Variants in CFAP251 observed in about 807,000 individuals in gnomAD.
The protein encoded by CFAP251 is cilia and flagella associated protein 251, also known as cilia- and flagella-associated protein 251.
A neutral mutation model predicts 126.7 loss-of-function variants in CFAP251; 93 were observed. The ratio of observed to expected loss-of-function variants is 0.73; its 90% CI spans 0.62 to 0.87. The LOEUF (loss-of-function observed/expected upper bound fraction) is 0.87. Among genes scored for constraint, CFAP251 ranks in the 40% least tolerant of loss-of-function variants. The pLI is 0.00. For missense variants in CFAP251, 1,287 were observed against 1,389.2 expected, an observed-to-expected ratio of 0.93 and a Z score of 1.17; for synonymous variants, 503 against 506.9, an observed-to-expected ratio of 0.99 and a Z score of 0.10.
intron 3 of CFAP251, among the ~76,000 whole-genome samples, chr12:121,928,686 A>ACG (rs1880548509): frequency 3.0e-5 from 1 of 33,716 alleles, no homozygotes; most frequent in Non-Finnish European, 8.8e-5. Context: ...ATATATATAT[A>ACG]TACGTATATA....
intron 7 of CFAP251, among the ~76,000 whole-genome samples, chr12:121,943,599 T>C (rs1881212143): frequency 6.6e-6 from 1 of 151,940 alleles, no homozygotes. Context: ...ATTTTGTATT[T>C]TTTTTAGTAG....
intron 19 of CFAP251, among the ~76,000 whole-genome samples, chr12:121,976,358 C>T (rs767027946): frequency 3.3e-5 from 5 of 152,060 alleles, no homozygotes; most frequent in Non-Finnish European, 7.4e-5. Flanking sequence ...GCCCTGGGCA[C>T]GGTGCTGGGT....
chr12:121,973,631 C>T (rs1320580912), intron 17 of CFAP251, among the ~76,000 whole-genome samples: 1 of 152,216 alleles, frequency 6.6e-6, no homozygotes, highest in African/African-American at 2.4e-5. Flanking sequence ...CATGGGAACC[C>T]ACCTCTTGCA....
At chr12:121,980,908 C>G (rs1308361554) in intron 19 of CFAP251, among the ~76,000 whole-genome samples, 1 of 152,208 alleles carries the variant, frequency 6.6e-6, no homozygotes, top group African/African-American at 2.4e-5. Flanking sequence ...CGAGCCATCC[C>G]AGCGGTGGTC....
intron 5 of CFAP251, among the ~76,000 whole-genome samples, chr12:121,940,523 A>G (rs1391439524): frequency 1.3e-5 from 2 of 151,934 alleles, no homozygotes; most frequent in Non-Finnish European, 2.9e-5. Flanking sequence ...TGTATCTAGG[A>G]CTCCATAAAC....
intron 17 of CFAP251, chr12:121,971,590 C>T: frequency 1.4e-6 from 1 of 702,940 alleles, no homozygotes; most frequent in African/African-American, 1.7e-5. Flanking sequence ...ATATTATCCC[C>T]ATCAGACACA....
Position 121,974,486 on chromosome 12 carries a change from G to A in CFAP251, c.2772-758G>A, listed in dbSNP as rs1882409886. Among the ~76,000 whole-genome samples the A allele has an allele frequency of 6.6e-6, 1 of 152,180 alleles. No homozygotes were observed. The highest frequency in any genetic ancestry group is 2.4e-5 in the African/African-American group (1 of 41,422). On this transcript the variant is annotated intron_variant, in intron 17 of 21. Coordinates refer to ENST00000288912, the MANE Select transcript of CFAP251 (RefSeq NM_144668.6). This position sits in a 1 kb window ranked among gnomAD's most constrained non-coding sequence, Gnocchi z 4.6. Reference sequence around the variant, plus strand: ...CCCAGAATCACACAGCTTGCCAGGGGTAGAGCCGGGACTTGCACACATGTC... The same window carrying A: ...CCCAGAATCACACAGCTTGCCAGGGATAGAGCCGGGACTTGCACACATGTC...
chr12:121,926,804 G>A (rs763569372), intron 3 of CFAP251, among the ~76,000 whole-genome samples: 2 of 152,102 alleles, frequency 1.3e-5, no homozygotes, highest in Admixed American at 1.3e-4. Flanking sequence ...TCAGCCGGGC[G>A]TGGTGGTGCA....
Position 121,962,095 on chromosome 12 carries a change from C to T in CFAP251, c.2425C>T (p.Leu809Phe), listed in dbSNP as rs371514829. ...CTGGTACCCACCACTCACCAGGGAACTCTTCCTGCTTATTTGCAACAGTGG... is the reference window on the plus strand; with the variant it reads ...CTGGTACCCACCACTCACCAGGGAATTCTTCCTGCTTATTTGCAACAGTGG... ...MVWYPPLTRE[L>F]FLLICNSGYK... Residue 809 changes from leucine (L) to phenylalanine (F), a missense_variant, in exon 15 of 22, where the codon CTC (leucine) becomes TTC (phenylalanine). Leu to Phe is a conservative substitution (Grantham distance 22, BLOSUM62 0). Coordinates refer to ENST00000288912, the MANE Select transcript of CFAP251 (RefSeq NM_144668.6). 1.9e-6 allele frequency: 3 copies of T among 1,614,040 alleles called. No homozygotes were observed.
chr12:122,001,369 C>T, intron 20 of CFAP251, 128 bp from the exon 21 acceptor site: 3 of 913,358 alleles, frequency 3.3e-6, no homozygotes, highest in African/African-American at 1.7e-5. Context: ...ATTTTTTTTT[C>T]AATTGAGTAA....
At chr12:121,925,053 T>A (rs778468925) in intron 3 of CFAP251, among the ~76,000 whole-genome samples, 4 of 151,266 alleles carry the variant, frequency 2.6e-5, no homozygotes, top group Non-Finnish European at 5.9e-5. Context: ...GTAAAACTCC[T>A]CCTTCATGCT....
chr12:121,999,636 T>A, intron 19 of CFAP251, 80 bp from the exon 20 acceptor site: 1 of 1,135,076 alleles, frequency 8.8e-7, no homozygotes, highest in South Asian at 1.6e-5. Context: ...GCACCAGCCC[T>A]ACTGTCCAAT....
At chr12:121,992,947 C>G (rs529959208) in intron 19 of CFAP251, among the ~76,000 whole-genome samples, 15 of 90,310 alleles carry the variant, frequency 1.7e-4, no homozygotes, top group Admixed American at 9.3e-4. Flanking sequence ...CACAAGAGCT[C>G]TCCCTCTCCC....
chr12:121,919,747 A>G (rs969560295), intron 1 of CFAP251, among the ~76,000 whole-genome samples: 3 of 152,126 alleles, frequency 2.0e-5, no homozygotes, highest in South Asian at 2.1e-4. Flanking sequence ...ATTGTTGCTA[A>G]TATGTGGGTT....
chr12:121,943,596 A>AT (rs1391792593), intron 7 of CFAP251, among the ~76,000 whole-genome samples: 1 of 150,982 alleles, frequency 6.6e-6, no homozygotes, highest in African/African-American at 2.4e-5. Context: ...CTAATTTTGT[A>AT]TTTTTTTTAG....
chr12:121,982,921 G>A (rs1257111100), intron 19 of CFAP251, among the ~76,000 whole-genome samples: 1 of 151,788 alleles, frequency 6.6e-6, no homozygotes, highest in Non-Finnish European at 1.5e-5. Flanking sequence ...AGGCAACATA[G>A]CGAGACCCCG....
At chr12:121,954,396 T>C (rs1188816711) in intron 10 of CFAP251, 62 bp downstream of exon 10, 2 of 1,433,226 alleles carry the variant, frequency 1.4e-6, no homozygotes, top group Admixed American at 2.1e-5. Context: ...AAAATTGTTA[T>C]GGGAGGTTGG....
At chr12:121,997,097 G>C (rs1883035338) in intron 19 of CFAP251, 1 of 152,220 alleles carries the variant, frequency 6.6e-6, no homozygotes. Flanking sequence ...AAGGAAGCAT[G>C]TGTGTTAGGG....
chr12:121,977,384 C>T (rs530767224), intron 19 of CFAP251, among the ~76,000 whole-genome samples: 8 of 152,310 alleles, frequency 5.3e-5, no homozygotes, highest in East Asian at 1.9e-4. Flanking sequence ...TTGGCCTTGG[C>T]GCAGTGGCTC....
Sources: gnomAD v4.1 joint callset for allele counts (sites outside exome capture counted in the v4.1 genomes callset) on GRCh38, gnomAD v4.1.1 for gene constraint, Gnocchi (gnomAD v3.1) non-coding constraint, MANE v1.5 for transcripts, NCBI Gene and HGNC (gene_info 2026-07-23, HGNC 2026-07-21) for gene names.